SMYD3: variants seen among roughly 807,000 people sequenced by gnomAD.
SMYD3 encodes the protein SET and MYND domain containing 3, also known as histone-lysine N-methyltransferase SMYD3.
Under a neutral mutation model 57.7 loss-of-function variants are expected in SMYD3, and 36 were observed. That is an observed-to-expected ratio of 0.62 (90% CI 0.48 to 0.82). SMYD3 has a LOEUF of 0.82. SMYD3 is among the 40% of genes least tolerant of loss of function. The pLI is 0.00. For missense variants in SMYD3, 515 were observed against 538.8 expected, an observed-to-expected ratio of 0.96 and a Z score of 0.44; for synonymous variants, 211 against 195.0, an observed-to-expected ratio of 1.08 and a Z score of -0.68.
At chr1:246,135,098 C>G (rs1158114106) in intron 5 of SMYD3, among the ~76,000 whole-genome samples, 1 of 152,152 alleles carries the variant, frequency 6.6e-6, no homozygotes, top group South Asian at 2.1e-4. Flanking sequence ...AAAACTATAA[C>G]ATGCTCATAA....
chr1:246,130,794 T>C (rs1419505472), intron 5 of SMYD3, among the ~76,000 whole-genome samples: 2 of 152,170 alleles, frequency 1.3e-5, no homozygotes, highest in Admixed American at 6.5e-5. Context: ...CAGTCTTGAC[T>C]CTCTAATCTA....
intron 1 of SMYD3, among the ~76,000 whole-genome samples, chr1:246,377,695 T>C (rs1333696598): frequency 6.6e-6 from 1 of 152,148 alleles, no homozygotes; most frequent in Admixed American, 6.6e-5. Flanking sequence ...ATCATGAAAA[T>C]AGTTTTCACT....
intron 5 of SMYD3, among the ~76,000 whole-genome samples, chr1:246,314,846 T>C (rs1048793153): frequency 2.0e-5 from 3 of 152,246 alleles, no homozygotes; most frequent in African/African-American, 7.2e-5. Context: ...TACTATTCTG[T>C]AACTTATTTT....
intron 5 of SMYD3, among the ~76,000 whole-genome samples, chr1:246,123,084 CT>C (rs2061448437): frequency 6.6e-6 from 1 of 152,194 alleles, no homozygotes; most frequent in African/African-American, 2.4e-5. Context: ...CTCTTTTACC[CT>C]GTTCTCTCAC....
intron 1 of SMYD3, among the ~76,000 whole-genome samples, chr1:246,452,995 AT>A (rs1242386724): frequency 6.6e-6 from 1 of 152,214 alleles, no homozygotes; most frequent in East Asian, 1.9e-4. Flanking sequence ...GGGAAAAAAA[AT>A]CTTATGTGAG....
At chr1:246,288,360 T>G (rs909455722) in intron 5 of SMYD3, among the ~76,000 whole-genome samples, 1 of 151,894 alleles carries the variant, frequency 6.6e-6, no homozygotes, top group African/African-American at 2.4e-5. Flanking sequence ...CAGAGAAGCT[T>G]CTGGTTTGGT....
chr1:246,104,504 G>A (rs993337950), intron 5 of SMYD3, among the ~76,000 whole-genome samples: 3 of 152,176 alleles, frequency 2.0e-5, no homozygotes, highest in Non-Finnish European at 4.4e-5. Flanking sequence ...GGCTGAGTGG[G>A]CTCGTCTCCT....
chr1:246,054,957 C>T (rs1345982848), intron 5 of SMYD3, among the ~76,000 whole-genome samples: 7 of 149,448 alleles, frequency 4.7e-5, no homozygotes, highest in Non-Finnish European at 1.0e-4. Context: ...GGGCGGATCA[C>T]GAGGTCAGGA....
At chr1:245,830,227 C>A (rs1400899240) in intron 10 of SMYD3, among the ~76,000 whole-genome samples, 3 of 152,140 alleles carry the variant, frequency 2.0e-5, no homozygotes, top group Non-Finnish European at 4.4e-5. Context: ...ATACCTGAGA[C>A]TGGGTAATTT....
At chr1:246,031,198 A>G (rs891556479) in intron 5 of SMYD3, among the ~76,000 whole-genome samples, 10 of 152,284 alleles carry the variant, frequency 6.6e-5, no homozygotes, top group African/African-American at 2.4e-4. Context: ...AGGAAATCAC[A>G]TAAAGAAAGG....
At chr1:245,774,937 G>A (rs550602785) in intron 10 of SMYD3, among the ~76,000 whole-genome samples, 4 of 152,152 alleles carry the variant, frequency 2.6e-5, no homozygotes, top group Non-Finnish European at 5.9e-5. Context: ...TCCTAACCGC[G>A]AGTGATCCGC....
chr1:246,157,981 T>C (rs1169521534), intron 5 of SMYD3, among the ~76,000 whole-genome samples: 1 of 152,224 alleles, frequency 6.6e-6, no homozygotes, highest in African/African-American at 2.4e-5. Context: ...TCCCCACTGG[T>C]TATGCACAGC....
At chr1:246,339,660 G>A (rs949291052) in intron 2 of SMYD3, among the ~76,000 whole-genome samples, 4 of 152,196 alleles carry the variant, frequency 2.6e-5, no homozygotes, top group African/African-American at 7.2e-5. Context: ...CCACTGCAGG[G>A]CTGCTATGGT....
At chr1:246,399,287 G>A (rs1292126261) in intron 1 of SMYD3, among the ~76,000 whole-genome samples, 2 of 151,992 alleles carry the variant, frequency 1.3e-5, no homozygotes, top group African/African-American at 4.8e-5. Flanking sequence ...GCCTCCCAAA[G>A]TGCTGGGATT....
At chr1:245,976,138 G>T (rs2058417741) in intron 5 of SMYD3, among the ~76,000 whole-genome samples, 2 of 44,052 alleles carry the variant, frequency 4.5e-5, no homozygotes, top group Non-Finnish European at 6.0e-5. Flanking sequence ...ATCGTCTCCG[G>T]CCCAGGGAAA....
At chr1:245,754,776 G>A (rs1243041860) in intron 11 of SMYD3, among the ~76,000 whole-genome samples, 1 of 152,200 alleles carries the variant, frequency 6.6e-6, no homozygotes, top group Non-Finnish European at 1.5e-5. Context: ...TACTGTCTGA[G>A]CAGCTTTAAT....
chr1:246,415,025 G>C (rs2067038212), intron 1 of SMYD3, among the ~76,000 whole-genome samples: 1 of 152,148 alleles, frequency 6.6e-6, no homozygotes, highest in African/African-American at 2.4e-5. Context: ...CTGGAGCCAG[G>C]TTTTTGACAT....
At chr1:245,781,519 G>A (rs192435127) in intron 10 of SMYD3, among the ~76,000 whole-genome samples, 1 of 152,192 alleles carries the variant, frequency 6.6e-6, no homozygotes, top group East Asian at 1.9e-4. Context: ...CACATTGAGG[G>A]CACTATTTAT....
At chr1:246,117,225 A>C (rs1232590205) in intron 5 of SMYD3, among the ~76,000 whole-genome samples, 4 of 152,210 alleles carry the variant, frequency 2.6e-5, no homozygotes, top group African/African-American at 9.7e-5. Flanking sequence ...TTATCTGAAA[A>C]TGTTTTGCAA....
Sources: gnomAD v4.1 joint callset for allele counts (sites outside exome capture counted in the v4.1 genomes callset) on GRCh38, gnomAD v4.1.1 for gene constraint, MANE v1.5 for transcripts, NCBI Gene and HGNC (gene_info 2026-07-23, HGNC 2026-07-21) for gene names.